Variants in SPON1 observed in about 807,000 individuals in gnomAD.
SPON1 encodes the protein spondin-1.
SPON1 carries 52 observed loss-of-function variants against 111.7 expected under a neutral mutation model. That is an observed-to-expected ratio of 0.47 (90% confidence interval 0.37 to 0.59). SPON1 has a LOEUF of 0.59. Among genes scored for constraint, SPON1 ranks in the 20% least tolerant of loss-of-function variants. The pLI is 0.00. For synonymous variants in SPON1, 410 were observed against 395.8 expected, an observed-to-expected ratio of 1.04 and a Z score of -0.43; for missense variants, 957 against 1,068.5, an observed-to-expected ratio of 0.90 and a Z score of 1.46.
At chr11:14,048,071 C>A (rs1056546341) in intron 3 of SPON1, among the ~76,000 whole-genome samples, 2 of 152,292 alleles carry the variant, frequency 1.3e-5, no homozygotes, top group African/African-American at 4.8e-5. Flanking sequence ...GAAACCCTGT[C>A]TCTACTACAA....
At chr11:14,123,051 C>T (rs1847412949) in intron 5 of SPON1, among the ~76,000 whole-genome samples, 1 of 151,828 alleles carries the variant, frequency 6.6e-6, no homozygotes. Context: ...CCACCTCAGC[C>T]TCTGGAGTAT....
At chr11:14,025,999 A>G (rs1333985590) in intron 2 of SPON1, among the ~76,000 whole-genome samples, 4 of 152,096 alleles carry the variant, frequency 2.6e-5, no homozygotes, top group Non-Finnish European at 5.9e-5. Context: ...CTGATTCTCC[A>G]GCTCCTAATA....
intron 2 of SPON1, among the ~76,000 whole-genome samples, chr11:14,021,492 A>G (rs545561299): frequency 1.3e-5 from 2 of 152,154 alleles, no homozygotes; most frequent in Admixed American, 6.5e-5. Flanking sequence ...AGGTTGCAAA[A>G]CCTGAGGAAG....
chr11:14,136,511 A>G (rs922748645), intron 6 of SPON1, among the ~76,000 whole-genome samples: 1 of 152,202 alleles, frequency 6.6e-6, no homozygotes, highest in Admixed American at 6.5e-5. Flanking sequence ...CACAGTCTGC[A>G]TGTGCCCAGA....
At chr11:14,113,582 T>A (rs1554925662) in intron 5 of SPON1, among the ~76,000 whole-genome samples, 1,456 of 19,484 alleles carry the variant, frequency 0.075, 272 homozygotes, top group Admixed American at 0.12. Context: ...TTTTTTTTTT[T>A]TTTTTTTTTT....
Position 14,265,391 on chromosome 11 carries a change from C to G in SPON1, c.2261-133C>G. The G allele has an allele frequency of 5.7e-6, 6 of 1,057,494 alleles. 1 individual carries two copies. The South Asian group carries it at 1.1e-4, about 20-fold the overall frequency. The allele number at this position is 1,057,494 out of a possible 1,614,324, so 65.5% of individuals were successfully genotyped here. On this transcript the variant is annotated intron_variant, in intron 15 of 15. Coordinates refer to ENST00000576479, the MANE Select transcript of SPON1 (RefSeq NM_006108.4). Reference sequence around the variant, plus strand: ...CATACGACCTAACTGTCCCTAATAACGACTCTAACCAATCATTACATACTT... The same window carrying G: ...CATACGACCTAACTGTCCCTAATAAGGACTCTAACCAATCATTACATACTT...
Position 14,054,901 on chromosome 11 carries a change from A to G in SPON1, c.479+13247A>G, listed in dbSNP as rs1554919007. Among the ~76,000 whole-genome samples the G allele has an allele frequency of 2.6e-5, 4 of 152,214 alleles. No individual in the cohort carries two copies. The South Asian group carries it at 6.2e-4, about 24-fold the overall frequency. ...AGTGTGCAAATCGGTCTCAAAGTAT[A>G]AAATTAAACACATCTGTAGCTCCAC... is the stretch of plus-strand genomic sequence containing the variant. On this transcript the variant is annotated intron_variant, in intron 3 of 15. Transcript: ENST00000576479.
At chr11:14,113,731 T>C (rs560900793) in intron 5 of SPON1, among the ~76,000 whole-genome samples, 1 of 151,138 alleles carries the variant, frequency 6.6e-6, no homozygotes, top group Non-Finnish European at 1.5e-5. Context: ...GCCTCCCGCG[T>C]AGCTGGGACT....
chr11:14,008,994 A>G (rs1554913476), intron 2 of SPON1, among the ~76,000 whole-genome samples: 1 of 152,116 alleles, frequency 6.6e-6, no homozygotes, highest in East Asian at 1.9e-4. Flanking sequence ...CTGTCATCAC[A>G]TACTCCTGGA....
At position 14,254,590 on chromosome 11, in the gene SPON1, C is replaced by T; in HGVS notation, c.953C>T (p.Thr318Ile). ...DRTRHLMSFL[T>I]MMGPSPDWNV... ...ACGCGCCATTTAATGTCCTTCCTGA[C>T]CATGATGGGCCCTAGTCCCGACTGG... Residue 318 changes from threonine (T) to isoleucine (I), a missense_variant, in exon 8 of 16, where the codon ACC (threonine) becomes ATC (isoleucine). Thr to Ile is a moderately conservative substitution (Grantham distance 89). Transcript: ENST00000576479. 6.2e-7 allele frequency: 1 copy of T among 1,613,782 alleles called. No homozygotes were observed. The highest frequency in any genetic ancestry group is 1.3e-5 in the African/African-American group (1 of 75,044).
intron 6 of SPON1, among the ~76,000 whole-genome samples, chr11:14,170,281 A>T (rs1281817996): frequency 2.0e-5 from 3 of 152,042 alleles, no homozygotes; most frequent in Non-Finnish European, 4.4e-5. Context: ...TTCACTCATG[A>T]TTTGGCTCTC....
rs181964641 is a variant in SPON1, at chr11:14,222,052, A to G, written c.826-21280A>G. On this transcript the variant is annotated intron_variant, in intron 6 of 15. Transcript: ENST00000576479. ...TCATGTTGGCACCATGAGATATTTTATCATCCTATGAACTCATTTGGGAAC... is the reference window on the plus strand; with the variant it reads ...TCATGTTGGCACCATGAGATATTTTGTCATCCTATGAACTCATTTGGGAAC... Among the ~76,000 whole-genome samples the G allele has an allele frequency of 1.1e-4, 17 of 152,288 alleles. 1 individual carries two copies. The East Asian group carries it at 3.3e-3, about 29-fold the overall frequency.
intron 5 of SPON1, among the ~76,000 whole-genome samples, chr11:14,120,887 T>C (rs1849300104): frequency 6.6e-6 from 1 of 152,188 alleles, no homozygotes; most frequent in Non-Finnish European, 1.5e-5. Context: ...AACTGGATCT[T>C]AGAGAATTTA....
intron 5 of SPON1, among the ~76,000 whole-genome samples, chr11:14,081,350 G>C (rs782549437): frequency 6.6e-6 from 1 of 152,178 alleles, no homozygotes; most frequent in African/African-American, 2.4e-5. Context: ...AAATAGTCAT[G>C]CAGAAAGAGG....
rs900523185 is a variant in SPON1, at chr11:13,963,016, C to G, written c.112C>G (p.Pro38Ala). Residue 38 changes from proline to alanine, a missense_variant, in exon 1 of 16, where the codon CCC becomes GCC. Coordinates refer to ENST00000576479, the MANE Select transcript of SPON1 (RefSeq NM_006108.4). ...CTCCGACGAGACCCTGGACAAAGTG[C>G]CCAAGTCAGAGGGCTACTGCAGCCG... Reference protein sequence around the residue: ...AFSDETLDKVPKSEGYCSRIL... With the variant: ...AFSDETLDKVAKSEGYCSRIL... 4 of 1,592,536 alleles carry G rather than the reference C, an allele frequency of 2.5e-6. No homozygotes were observed. In the African/African-American group the frequency reaches 5.4e-5, roughly 22 times the overall value.
chr11:14,002,772 A>C (rs1198412674), intron 2 of SPON1, among the ~76,000 whole-genome samples: 6 of 152,136 alleles, frequency 3.9e-5, no homozygotes, highest in African/African-American at 1.4e-4. Context: ...GCATCCACCA[A>C]GGGGAGAGAG....
chr11:14,091,979 C>T lies in SPON1; in HGVS notation c.676+11958C>T, dbSNP rs528307106. ...CTTCCTGGGCAAGGCGACACCCCAC[C>T]TTGTTTCTGCTCATCCTCTGTGGGC... is the stretch of plus-strand genomic sequence containing the variant. On this transcript the variant is annotated intron_variant, in intron 5 of 15. Coordinates refer to ENST00000576479, the MANE Select transcript of SPON1 (RefSeq NM_006108.4). Among the ~76,000 whole-genome samples the T allele has an allele frequency of 7.2e-5, 11 of 152,332 alleles. No individual in the cohort carries two copies. In the Middle Eastern group the frequency reaches 0.01, roughly 142 times the overall value.
chr11:14,256,606 TC>T lies in SPON1; in HGVS notation c.1234-9del. On this transcript the variant is annotated splice_polypyrimidine_tract_variant and intron_variant, in intron 9 of 15. Transcript: ENST00000576479. ...CTCATGTGAGCCCTCCAAGTAAAAT[TC>T]CTTTTTCAGGGTGAACAATGCAATA... is the stretch of plus-strand genomic sequence containing the variant. 6.2e-7 allele frequency: 1 copy of T among 1,607,240 alleles called. No homozygotes were observed. Among genetic ancestry groups the T allele is most frequent in the Non-Finnish European group, 8.5e-7 (1 of 1,175,006 alleles).
At chr11:14,233,403 C>G (rs1848824850) in intron 6 of SPON1, among the ~76,000 whole-genome samples, 1 of 152,108 alleles carries the variant, frequency 6.6e-6, no homozygotes, top group Admixed American at 6.5e-5. Flanking sequence ...CCCTGAGCAG[C>G]CAGCAGGATC....
Sources: gnomAD v4.1 joint callset for allele counts (sites outside exome capture counted in the v4.1 genomes callset) on GRCh38, gnomAD v4.1.1 for gene constraint, MANE v1.5 for transcripts, NCBI Gene and HGNC (gene_info 2026-07-23, HGNC 2026-07-21) for gene names.